Variants in PRR14L observed in about 807,000 individuals in gnomAD.
PRR14L encodes proline rich 14 like, also known as protein PRR14L.
A neutral mutation model predicts 155.0 loss-of-function variants in PRR14L; 80 were observed. The ratio of observed to expected loss-of-function variants is 0.52; its 90% CI spans 0.43 to 0.62. PRR14L has a LOEUF of 0.62. Ranked by LOEUF, PRR14L falls within the 20% of genes least tolerant of loss-of-function variation. The probability of loss-of-function intolerance (pLI) is 0.00; values close to 1 mark genes in which losing one functional copy is unlikely to be tolerated. For missense variants in PRR14L, 2,469 were observed against 2,548.0 expected (o/e 0.97, Z 0.67); for synonymous variants, 883 against 916.0 (o/e 0.96, Z 0.65).
chr22:31,732,452 G>A (rs1210307545), intron 2 of PRR14L, among the ~76,000 whole-genome samples: 1 of 152,150 alleles, frequency 6.6e-6, no homozygotes, highest in Non-Finnish European at 1.5e-5. Flanking sequence ...TTTGCTATGT[G>A]CCAGGCAGAG....
At chr22:31,747,756 C>G (rs550036742) in intron 1 of PRR14L, among the ~76,000 whole-genome samples, 8 of 150,186 alleles carry the variant, frequency 5.3e-5, no homozygotes, top group Admixed American at 1.3e-4. Flanking sequence ...AGATGGTAAG[C>G]GTTTCTTTAG....
chr22:31,708,389 C>T (rs1009412939), intron 4 of PRR14L, among the ~76,000 whole-genome samples: 7 of 151,708 alleles, frequency 4.6e-5, no homozygotes, highest in East Asian at 3.9e-4. Context: ...TGCAGTGGTG[C>T]GATCTTGGCT....
intron 7 of PRR14L, among the ~76,000 whole-genome samples, chr22:31,694,068 G>A (rs754545657): frequency 9.9e-5 from 15 of 152,152 alleles, no homozygotes; most frequent in Non-Finnish European, 1.5e-4. Flanking sequence ...TTTGAGTCCA[G>A]GAGTTTGAGA....
chr22:31,681,367 A>T lies in PRR14L; in HGVS notation c.*4160T>A, dbSNP rs1306584258. ...AGTTATTTGAAAGGTTTTCAAAAAA[A>T]TTTATTTTCATAAATTAACACACAT... On this transcript the variant is annotated 3_prime_UTR_variant, in exon 9 of 9. Coordinates refer to ENST00000327423, the MANE Select transcript of PRR14L (RefSeq NM_173566.3). 1 of 152,256 alleles carries T rather than the reference A, an allele frequency of 6.6e-6. No homozygotes were observed. Among genetic ancestry groups the T allele is most frequent in the Non-Finnish European group, 1.5e-5 (1 of 68,054 alleles). The allele number at this position is 152,256 out of a possible 1,614,324, so 9.4% of individuals were successfully genotyped here.
chr22:31,744,319 G>A (rs2074827033), intron 1 of PRR14L, among the ~76,000 whole-genome samples: 1 of 152,144 alleles, frequency 6.6e-6, no homozygotes, highest in African/African-American at 2.4e-5. Flanking sequence ...TTTTAATAGA[G>A]ATGGGGTTTC....
In PRR14L at chr22:31,687,353, CT is replaced by C. The variant is rs575637523; in HGVS notation, c.6179+802del. ...ACCTGGCTGAGACTACATTTTCTTT[CT>C]TCTTTTTTTTTTTTTCTGAGACAGA... On this transcript the variant is annotated intron_variant, in intron 8 of 8. Transcript: ENST00000327423. Among the ~76,000 whole-genome samples the C allele has an allele frequency of 2.2e-3, 310 of 142,880 alleles. 2 individuals are homozygous for C. The highest frequency in any genetic ancestry group is 7.8e-3 in the African/African-American group (300 of 38,328). The allele number at this position is 142,880 out of a possible 152,430, so 93.7% of individuals were successfully genotyped here. A position where few individuals can be genotyped will look rare whatever the true frequency, so the allele number is the denominator to read the frequency against.
At chr22:31,701,526 A>T (rs2074563127) in intron 7 of PRR14L, 130 bp downstream of exon 7, 1 of 576,194 alleles carries the variant, frequency 1.7e-6, no homozygotes, top group Non-Finnish European at 3.1e-6. Context: ...ATTACTAATT[A>T]ATTCTTTAGG....
At chr22:31,698,791 G>T (rs1898726159) in intron 7 of PRR14L, among the ~76,000 whole-genome samples, 1 of 151,302 alleles carries the variant, frequency 6.6e-6, no homozygotes, top group Non-Finnish European at 1.5e-5. Context: ...GCGTACTGGC[G>T]GGCGCCTGTA....
intron 3 of PRR14L, among the ~76,000 whole-genome samples, chr22:31,718,168 C>T (rs547855513): frequency 1.3e-5 from 2 of 151,326 alleles, no homozygotes; most frequent in South Asian, 4.2e-4. Flanking sequence ...CCTCAGGTGA[C>T]CCGCCTGCCT....
intron 4 of PRR14L, among the ~76,000 whole-genome samples, chr22:31,709,773 T>C (rs1302258167): frequency 1.3e-5 from 2 of 151,244 alleles, no homozygotes; most frequent in African/African-American, 4.9e-5. Context: ...ACTCCTGACC[T>C]CAGGTGATCT....
At chr22:31,721,951 A>G (rs990204598) in intron 3 of PRR14L, among the ~76,000 whole-genome samples, 2 of 152,144 alleles carry the variant, frequency 1.3e-5, no homozygotes, top group Admixed American at 6.6e-5. Flanking sequence ...TTCACTTACT[A>G]AACAACTTGG....
intron 3 of PRR14L, among the ~76,000 whole-genome samples, chr22:31,718,325 G>A (rs1314007432): frequency 2.7e-5 from 4 of 150,650 alleles, no homozygotes; most frequent in Admixed American, 6.6e-5. Flanking sequence ...GCGCAATCTC[G>A]GCTCACTGCA....
chr22:31,695,372 T>C (rs1300035140), intron 7 of PRR14L, among the ~76,000 whole-genome samples: 1 of 152,168 alleles, frequency 6.6e-6, no homozygotes, highest in Non-Finnish European at 1.5e-5. Flanking sequence ...CTTTCCGGTT[T>C]GGTGAGCTTT....
At chr22:31,742,170 A>T (rs563552844) in intron 1 of PRR14L, among the ~76,000 whole-genome samples, 1 of 152,174 alleles carries the variant, frequency 6.6e-6, no homozygotes, top group African/African-American at 2.4e-5. Flanking sequence ...GCAGGAAAGG[A>T]TATTGTAAAA....
intron 7 of PRR14L, among the ~76,000 whole-genome samples, chr22:31,688,538 T>C (rs1226270245): frequency 6.6e-6 from 1 of 152,218 alleles, no homozygotes; most frequent in Non-Finnish European, 1.5e-5. Context: ...GTCTGTAATA[T>C]GTTTTAGATG....
At chr22:31,737,829 A>G (rs1173786019) in intron 2 of PRR14L, among the ~76,000 whole-genome samples, 1 of 152,002 alleles carries the variant, frequency 6.6e-6, no homozygotes, top group Non-Finnish European at 1.5e-5. Flanking sequence ...CCTGGCCAAC[A>G]TGACGAAACC....
intron 7 of PRR14L, among the ~76,000 whole-genome samples, chr22:31,691,616 C>A (rs1029570797): frequency 6.6e-6 from 1 of 152,218 alleles, no homozygotes; most frequent in African/African-American, 2.4e-5. Flanking sequence ...AAACTACTTT[C>A]TGTCTCTAAG....
intron 1 of PRR14L, among the ~76,000 whole-genome samples, chr22:31,744,133 ATTT>A (rs1043296702): frequency 2.2e-5 from 3 of 137,176 alleles, no homozygotes; most frequent in Non-Finnish European, 4.8e-5. Flanking sequence ...TGCCTGGTTA[ATTT>A]TTTTTTTTTT....
At chr22:31,694,136 T>C (rs575137411) in intron 7 of PRR14L, among the ~76,000 whole-genome samples, 1 of 152,004 alleles carries the variant, frequency 6.6e-6, no homozygotes, top group African/African-American at 2.4e-5. Flanking sequence ...AATTAGCCGA[T>C]GTGGTAGTAC....
Sources: allele counts gnomAD v4.1 joint callset (sites outside exome capture counted in the v4.1 genomes callset), GRCh38; gene constraint gnomAD v4.1.1; transcripts MANE v1.5; gene names NCBI Gene and HGNC (gene_info 2026-07-23, HGNC 2026-07-21).